Variants in EPS8L2 observed in about 807,000 individuals in gnomAD.
EPS8L2 encodes the protein epidermal growth factor receptor kinase substrate 8-like protein 2.
A neutral mutation model predicts 99.4 loss-of-function variants in EPS8L2; 81 were observed. The observed-to-expected ratio is 0.82, with a 90% CI of 0.68 to 0.98. EPS8L2 has a LOEUF of 0.98. Ranked by LOEUF, EPS8L2 falls within the 50% of genes least tolerant of loss-of-function variation. The probability of loss-of-function intolerance (pLI) is 0.00; values close to 1 mark genes in which losing one functional copy is unlikely to be tolerated. For synonymous variants in EPS8L2, 509 were observed against 407.3 expected, an observed-to-expected ratio of 1.25 and a Z score of -3.01; for missense variants, 1,155 against 968.8, an observed-to-expected ratio of 1.19 and a Z score of -2.55.
chr11:709,155 T>TCAACTGGGACGTGGTGC (rs1861815848), intron 1 of EPS8L2, 175 bp from the exon 2 acceptor site: 1 of 586,424 alleles, frequency 1.7e-6, no homozygotes, highest in Admixed American at 3.0e-5. Context: ...TGATCGACTG[T>TCAACTGGGACGTGGTGC]CAACTGGGAC....
rs995037946 is a variant in EPS8L2 at position 722,411 on chromosome 11, C to A, written c.1070C>A (p.Thr357Asn). ...LFGPLDLIVN[T>N]CSGPDIARSV... ...CTCACTGTGCCCCAGATCGTCAACA[C>A]CTGCAGTGGCCCAGACATCGCACGC... The change falls in exon 13 of 21, where the codon ACC (threonine) becomes AAC (asparagine). Residue 357 changes from threonine (T) to asparagine (N), a missense_variant. By Grantham distance (65) the Thr-to-Asn change is moderately conservative (BLOSUM62 0). Coordinates refer to ENST00000318562, the MANE Select transcript of EPS8L2 (RefSeq NM_022772.4). 6.2e-7 allele frequency: 1 copy of A among 1,613,070 alleles called. No individual in the cohort carries two copies. The highest frequency in any genetic ancestry group is 1.1e-5 in the South Asian group (1 of 91,084).
rs1352617555 is a variant in EPS8L2 at position 710,482 on chromosome 11, TCCAGGTAAGGCCCCGCCC to T, written c.165+4_165+21del. 1.2e-6 allele frequency: 2 copies of T among 1,613,640 alleles called. No individual in the cohort carries two copies. The highest frequency in any genetic ancestry group is 2.2e-5 in the South Asian group (2 of 91,084). Reference sequence around the variant, plus strand: ...ATGCACGAGACCTCGCAGTACCACGTCCAGGTAAGGCCCCGCCCCCAGGTAGGCTCCGCCCCCAGGGAG... The same window carrying T: ...ATGCACGAGACCTCGCAGTACCACGTCCAGGTAGGCTCCGCCCCCAGGGAG... On this transcript the variant is annotated splice_donor_variant and splice_donor_5th_base_variant and coding_sequence_variant and intron_variant, in exon 4 of 21. Transcript: ENST00000318562. LOFTEE classifies it high-confidence loss of function.
At chr11:710,303 A>T in intron 3 of EPS8L2, 119 bp from the exon 4 acceptor site, 1 of 903,300 alleles carries the variant, frequency 1.1e-6, no homozygotes, top group East Asian at 2.4e-5. Flanking sequence ...GGTGGCCAAG[A>T]GGTCCACGGA....
rs1349197940 is a variant in EPS8L2 at position 706,517 on chromosome 11, C to T, written c.-79+229C>T. On this transcript the variant is annotated intron_variant, in intron 1 of 20. Transcript: ENST00000318562. ...TGCAGCCCGGCCTGCCCCCGTCGGTCCTGGGCGGCGGCCGGCGAGCAAGGA... is the reference window on the plus strand; with the variant it reads ...TGCAGCCCGGCCTGCCCCCGTCGGTTCTGGGCGGCGGCCGGCGAGCAAGGA... 2.0e-5 allele frequency: 3 copies of T among 152,600 alleles called. 1 individual carries two copies. The highest frequency in any genetic ancestry group is 4.8e-5 in the African/African-American group (2 of 41,474). 9.5% of individuals were successfully genotyped at this position (152,600 alleles called of 1,614,324 possible). A position where few individuals can be genotyped will look rare whatever the true frequency, so the allele number is the denominator to read the frequency against.
At position 722,191 on chromosome 11, in the gene EPS8L2, G is replaced by T. The variant is rs766912322; in HGVS notation, c.1059+26G>T. ...GTGCCTGGGGCCGGGCGGCAGGGGC[G>T]CGCAGGGTGGGGGCCCAGAGGCCTC... On this transcript the variant is annotated intron_variant, in intron 12 of 20. Transcript: ENST00000318562. 5.6e-6 allele frequency: 9 copies of T among 1,606,826 alleles called. No individual in the cohort carries two copies. The South Asian group carries it at 9.9e-5, about 18-fold the overall frequency.
chr11:709,623 A>G lies in EPS8L2; in HGVS notation c.100+15A>G. 3 of 1,612,412 alleles carry G rather than the reference A, an allele frequency of 1.9e-6. No individual in the cohort carries two copies. Among genetic ancestry groups the G allele is most frequent in the Non-Finnish European group, 1.7e-6 (2 of 1,179,796 alleles). On this transcript the variant is annotated intron_variant, in intron 3 of 20. Transcript: ENST00000318562. ...GGACCTGTTTGGTGAGTGAGGTTTGAGAACGGGCTGGACGTCACAGGGGAG... is the reference window on the plus strand; with the variant it reads ...GGACCTGTTTGGTGAGTGAGGTTTGGGAACGGGCTGGACGTCACAGGGGAG...
At chr11:721,237 G>A in intron 8 of EPS8L2, 31 bp downstream of exon 8, 2 of 1,537,578 alleles carry the variant, frequency 1.3e-6, no homozygotes, top group South Asian at 1.2e-5. Flanking sequence ...GGGCTCCACA[G>A]GGCTCGTTGT....
chr11:715,046 T>C lies in EPS8L2; in HGVS notation c.165+4560T>C, dbSNP rs1049090406. The stretch of plus-strand genomic sequence containing the variant: ...TCACAAGGTCAGGAGATCAAGACCA[T>C]TCTGGCTAACATGGTGAAACCCCGT... On this transcript the variant is annotated intron_variant, in intron 4 of 20. Transcript: ENST00000318562. 6.6e-4 allele frequency among the ~76,000 whole-genome samples: 101 copies of C among 152,018 alleles called. 2 individuals carry two copies. Among genetic ancestry groups the C allele is most frequent in the Non-Finnish European group, 1.5e-4 (10 of 68,012 alleles).
At chr11:719,079 C>T (rs1389141507) in intron 4 of EPS8L2, among the ~76,000 whole-genome samples, 6 of 151,278 alleles carry the variant, frequency 4.0e-5, no homozygotes, top group African/African-American at 1.5e-4. Context: ...GATTCTCCCA[C>T]CTCAGCCTCC....
At position 721,177 on chromosome 11, in the gene EPS8L2, T is replaced by C; in HGVS notation, c.671T>C (p.Val224Ala). The C allele has an allele frequency of 6.5e-7, 1 of 1,534,430 alleles. No homozygotes were observed. The highest frequency in any genetic ancestry group is 8.7e-7 in the Non-Finnish European group (1 of 1,142,886). Residue 224 changes from valine to alanine, a missense_variant, in exon 8 of 21, where the codon GTG becomes GCG. Physicochemically the swap from Val to Ala is moderately conservative, Grantham distance 64. Coordinates refer to ENST00000318562, the MANE Select transcript of EPS8L2 (RefSeq NM_022772.4). ...GATTCCCCGGAGGCCAAGAATCGCG[T>C]GGGCCCGCAGGTGCCACTCAGCGAG... ...GGDSPEAKNR[V>A]GPQVPLSEPG...
chr11:720,304 C>T, intron 5 of EPS8L2, 81 bp downstream of exon 5: 2 of 1,476,596 alleles, frequency 1.4e-6, no homozygotes, highest in Non-Finnish European at 1.9e-6. Flanking sequence ...GGATGTGCGG[C>T]CGGTCCTCTC....
In EPS8L2 at chr11:722,091, G is replaced by A; in HGVS notation, c.985G>A (p.Ala329Thr). The change falls in exon 12 of 21, where the codon GCA (alanine) becomes ACA (threonine). Residue 329 changes from alanine (A) to threonine (T), a missense_variant and splice_region_variant. Transcript: ENST00000318562. Reference protein sequence around the residue: ...QKIKLAINLLAKLQKHIQNPS... With the variant: ...QKIKLAINLLTKLQKHIQNPS... ...CCTGCTCACTTGTTCCCACCCCCAG[G>A]CAAAGCTGCAGAAGCACATCCAGAA... 6.2e-7 allele frequency: 1 copy of A among 1,613,066 alleles called. No individual in the cohort carries two copies. Among genetic ancestry groups the A allele is most frequent in the South Asian group, 1.1e-5 (1 of 91,080 alleles).
Position 724,453 on chromosome 11 carries a change from G to A in EPS8L2, c.1455-271G>A. The A allele has an allele frequency of 2.0e-6, 1 of 490,284 alleles. No homozygotes were observed. The highest frequency in any genetic ancestry group is 3.7e-6 in the Non-Finnish European group (1 of 268,798). The allele number at this position is 490,284 out of a possible 1,614,324, so 30.4% of individuals were successfully genotyped here. On this transcript the variant is annotated intron_variant, in intron 15 of 20. Transcript: ENST00000318562. This position sits in a 1 kb window ranked among gnomAD's most constrained non-coding sequence, Gnocchi z 5.5. ...TGCCGGACTGGAGACCCCTGAGGTG[G>A]CCTGGGATGGGCCAGCCTTGCTGTA...
In EPS8L2 at chr11:726,326, G is replaced by C. The variant is rs759555926; in HGVS notation, c.1776G>C (p.Glu592Asp). Reference sequence around the variant, plus strand: ...CAGAGCTCATGCAGCACATGGACGAGGTCAACGACGAGCTCATCCGGAAAA... The same window carrying C: ...CAGAGCTCATGCAGCACATGGACGACGTCAACGACGAGCTCATCCGGAAAA... ...NKDELMQHMDEVNDELIRKIS... is the reference protein window; with the variant it reads ...NKDELMQHMDDVNDELIRKIS... The change falls in exon 19 of 21, where the codon GAG (glutamate) becomes GAC (aspartate). Residue 592 changes from glutamate to aspartate, a missense_variant. Glu to Asp is a conservative substitution (Grantham distance 45). Transcript: ENST00000318562. The C allele has an allele frequency of 6.2e-7, 1 of 1,610,128 alleles. No homozygotes were observed. The highest frequency in any genetic ancestry group is 1.3e-5 in the African/African-American group (1 of 74,914).
rs1213192400 is a variant in EPS8L2, at chr11:722,341, CG to C, written c.1060-55del. 4 of 1,588,426 alleles carry C rather than the reference CG, an allele frequency of 2.5e-6. No homozygotes were observed. The African/African-American group carries it at 4.0e-5, about 16-fold the overall frequency. ...TCCCGAGGGCCAGCCTGTGGAGCTACGGGGGTGCTGGGCCAGGGTCTGTGGG... is the reference window on the plus strand; with the variant it reads ...TCCCGAGGGCCAGCCTGTGGAGCTACGGGGTGCTGGGCCAGGGTCTGTGGG... On this transcript the variant is annotated intron_variant, in intron 12 of 20. Transcript: ENST00000318562.
Position 724,915 on chromosome 11 carries a change from T to G in EPS8L2, c.1560+86T>G. 1 of 1,026,852 alleles carries G rather than the reference T, an allele frequency of 9.7e-7. No homozygotes were observed. The highest frequency in any genetic ancestry group is 1.5e-6 in the Non-Finnish European group (1 of 668,356). 63.6% of individuals were successfully genotyped at this position (1,026,852 alleles called of 1,614,324 possible). Reference sequence around the variant, plus strand: ...CTACCAGGGGAGGTGGGGAGCGGTCTAGGGCCAGGCTGGGTGATGCCAGGA... The same window carrying G: ...CTACCAGGGGAGGTGGGGAGCGGTCGAGGGCCAGGCTGGGTGATGCCAGGA... On this transcript the variant is annotated intron_variant, in intron 16 of 20. Transcript: ENST00000318562. The surrounding 1 kb of genome is among the most constrained non-coding windows in gnomAD (Gnocchi z 5.5).
chr11:710,305 G>T (rs1040376805), intron 3 of EPS8L2, 117 bp from the exon 4 acceptor site: 2 of 950,190 alleles, frequency 2.1e-6, no homozygotes. Flanking sequence ...TGGCCAAGAG[G>T]TCCACGGAGC....
Position 720,223 on chromosome 11 carries a change from G to A in EPS8L2, c.327G>A (p.Gln109=). 2 of 1,612,952 alleles carry A rather than the reference G, an allele frequency of 1.2e-6. No homozygotes were observed. The highest frequency in any genetic ancestry group is 1.7e-6 in the Non-Finnish European group (2 of 1,179,876). Reference sequence around the variant, plus strand: ...TGCGGCTGCTGGACATCGAGTCACAGGTGGGGCCCAGCGCCACGGGGGACA... The same window carrying A: ...TGCGGCTGCTGGACATCGAGTCACAAGTGGGGCCCAGCGCCACGGGGGACA... ...QSLRLLDIES[Q]EELEDFPLPT... The change falls in exon 5 of 21, where the codon CAG becomes CAA. Residue 109 remains glutamine, a splice_region_variant and synonymous_variant. Coordinates refer to ENST00000318562, the MANE Select transcript of EPS8L2 (RefSeq NM_022772.4).
At chr11:720,958 C>CCCGGCAGGGGGGGGGAGGAG (rs1862144452) in intron 7 of EPS8L2, 49 bp downstream of exon 7, 10 of 1,017,034 alleles carry the variant, frequency 9.8e-6, no homozygotes, top group South Asian at 3.0e-5. Flanking sequence ...AGGGGAGGAG[C>CCCGGCAGGGGGGGGGAGGAG]CCGGCAGGGG....
Sources: allele counts gnomAD v4.1 joint callset (sites outside exome capture counted in the v4.1 genomes callset), GRCh38; gene constraint gnomAD v4.1.1; non-coding constraint Gnocchi (gnomAD v3.1); transcripts MANE v1.5; gene names NCBI Gene and HGNC (gene_info 2026-07-23, HGNC 2026-07-21).